Variants in NMRK1 observed in about 807,000 individuals in gnomAD.
NMRK1 encodes the protein nicotinamide riboside kinase 1, also known as NRK 1.
In NMRK1, 28 loss-of-function variants were observed where a neutral mutation model predicts 29.9. The ratio of observed to expected loss-of-function variants is 0.94; its 90% CI spans 0.69 to 1.28. The LOEUF (loss-of-function observed/expected upper bound fraction) is 1.28, where lower values mean the gene tolerates loss of function less well. NMRK1 is among the 50% of genes most tolerant of loss of function. NMRK1 has a pLI of 0.00. For missense variants in NMRK1, 218 were observed against 233.1 expected (o/e 0.94, Z 0.42); for synonymous variants, 58 against 73.0 (o/e 0.79, Z 1.05).
Position 75,062,861 on chromosome 9 carries a change from G to A in NMRK1, c.581-1294C>T, listed in dbSNP as rs1009364337. ...AGCCTGATCAACATAGCAAAACCCC[G>A]TCTTAACTAAAAATACAAAAATTAG... On this transcript the variant is annotated intron_variant, in intron 8 of 8. Coordinates refer to ENST00000361092, the MANE Select transcript of NMRK1 (RefSeq NM_017881.3). Among the ~76,000 whole-genome samples the A allele has an allele frequency of 3.9e-5, 6 of 152,156 alleles. 1 individual carries two copies. The highest frequency in any genetic ancestry group is 2.0e-4 in the Admixed American group (3 of 15,284).
chr9:75,066,710 C>T (rs74331633), intron 8 of NMRK1, 47 bp downstream of exon 8: 1 of 1,015,152 alleles, frequency 9.9e-7, no homozygotes, highest in African/African-American at 1.6e-5. Flanking sequence ...GAATGATTTT[C>T]CTGGCTGTTT....
intron 4 of NMRK1, among the ~76,000 whole-genome samples, chr9:75,072,656 C>T (rs936387282): frequency 4.6e-5 from 7 of 152,120 alleles, no homozygotes; most frequent in African/African-American, 1.7e-4. Context: ...TTCTGCATAT[C>T]TTTGAAATTT....
At chr9:75,067,376 C>T (rs1337558285) in intron 7 of NMRK1, among the ~76,000 whole-genome samples, 6 of 151,442 alleles carry the variant, frequency 4.0e-5, no homozygotes, top group African/African-American at 7.3e-5. Context: ...AGAGAAAAGA[C>T]GTATTTTTAA....
At chr9:75,076,417 G>C (rs1330458996) in intron 4 of NMRK1, among the ~76,000 whole-genome samples, 1 of 152,002 alleles carries the variant, frequency 6.6e-6, no homozygotes, top group South Asian at 2.1e-4. Context: ...GGTTACCAGA[G>C]ACCCGGAAGG....
chr9:75,080,141 G>A (rs1425852834), intron 2 of NMRK1, among the ~76,000 whole-genome samples: 1 of 152,218 alleles, frequency 6.6e-6, no homozygotes. Context: ...ACAGGTAGAT[G>A]TTAATATTCC....
chr9:75,086,114 C>T (rs1030902062), intron 1 of NMRK1, among the ~76,000 whole-genome samples: 3 of 152,054 alleles, frequency 2.0e-5, no homozygotes, highest in Non-Finnish European at 2.9e-5. Context: ...TGAGCCATGA[C>T]TGTGCCACTG....
chr9:75,086,842 G>C (rs1355771744), intron 1 of NMRK1, among the ~76,000 whole-genome samples: 2 of 151,648 alleles, frequency 1.3e-5, no homozygotes, highest in African/African-American at 2.4e-5. Context: ...CCAGGAGATA[G>C]GGCAGTCTTT....
At chr9:75,076,844 C>T (rs72732971) in intron 4 of NMRK1, among the ~76,000 whole-genome samples, 16,228 of 152,210 alleles carry the variant, frequency 0.11, 1,090 homozygotes, top group Non-Finnish European at 0.15. Context: ...CTGCCTGCCT[C>T]GGCCTTCCAA....
Position 75,077,557 on chromosome 9 carries a change from G to T in NMRK1, c.53C>A (p.Thr18Lys), listed in dbSNP as rs1182056130. The T allele has an allele frequency of 3.7e-6, 6 of 1,613,368 alleles. No homozygotes were observed. Among genetic ancestry groups the T allele is most frequent in the Non-Finnish European group, 5.1e-6 (6 of 1,179,468 alleles). The stretch of plus-strand genomic sequence containing the variant: ...GTGTTTCTGCAAATTCTTAGCCAGT[G>T]TTGTTTTGCCACTGTTTGTCACACT... ...ISGVTNSGKT[T>K]LAKNLQKHLP... Residue 18 changes from threonine to lysine, a missense_variant, in exon 3 of 9, where the codon ACA becomes AAA. Coordinates refer to ENST00000361092, the MANE Select transcript of NMRK1 (RefSeq NM_017881.3).
At position 75,066,881 on chromosome 9, in the gene NMRK1, T is replaced by A. The variant is rs1323788816; in HGVS notation, c.497-41A>T. 3 of 1,098,414 alleles carry A rather than the reference T, an allele frequency of 2.7e-6. No homozygotes were observed. In the South Asian group the frequency reaches 4.2e-5, roughly 15 times the overall value. 68.0% of individuals were successfully genotyped at this position (1,098,414 alleles called of 1,614,324 possible). A position where few individuals can be genotyped will look rare whatever the true frequency, so the allele number is the denominator to read the frequency against. ...GAGAGCAGTTCAAATGCTAACAGGC[T>A]TATTAATATACAATGTTTACTTTGA... is the stretch of plus-strand genomic sequence containing the variant. On this transcript the variant is annotated intron_variant, in intron 7 of 8. Transcript: ENST00000361092.
intron 8 of NMRK1, among the ~76,000 whole-genome samples, chr9:75,065,607 T>C (rs1055480811): frequency 1.3e-5 from 2 of 152,138 alleles, no homozygotes; most frequent in African/African-American, 2.4e-5. Context: ...ACGTGAGCCA[T>C]TGCAACTGGC....
rs775350039 is a variant in NMRK1, at chr9:75,077,149, A to C, written c.169+10T>G. 1.3e-6 allele frequency: 2 copies of C among 1,518,912 alleles called. No individual in the cohort carries two copies. Among genetic ancestry groups the C allele is most frequent in the Non-Finnish European group, 1.8e-6 (2 of 1,101,342 alleles). The allele number at this position is 1,518,912 out of a possible 1,614,324, so 94.1% of individuals were successfully genotyped here. The stretch of plus-strand genomic sequence containing the variant: ...TAAGCATATAATATTTGACAAGTAA[A>C]TCTACTTACCATCGTACTGCAAAAA... On this transcript the variant is annotated intron_variant, in intron 4 of 8. Coordinates refer to ENST00000361092, the MANE Select transcript of NMRK1 (RefSeq NM_017881.3).
intron 4 of NMRK1, among the ~76,000 whole-genome samples, chr9:75,075,294 T>G (rs1823924938): frequency 6.6e-6 from 1 of 152,162 alleles, no homozygotes; most frequent in African/African-American, 2.4e-5. Context: ...TTTTTCCTTG[T>G]TTTTCACCCT....
chr9:75,078,310 T>C (rs1176889668), intron 2 of NMRK1: 3 of 1,561,454 alleles, frequency 1.9e-6, no homozygotes, highest in African/African-American at 1.4e-5. Context: ...GAGTGGCTTA[T>C]TACAAGCCCA....
chr9:75,085,742 T>G (rs895413155), intron 1 of NMRK1, among the ~76,000 whole-genome samples: 13 of 150,316 alleles, frequency 8.6e-5, no homozygotes, highest in Non-Finnish European at 1.8e-4. Flanking sequence ...TTTTTTTTTT[T>G]TTTTTTTTTT....
intron 4 of NMRK1, among the ~76,000 whole-genome samples, chr9:75,075,867 T>TAA (rs1823959766): frequency 2.0e-5 from 3 of 152,280 alleles, no homozygotes; most frequent in Non-Finnish European, 4.4e-5. Flanking sequence ...ATGTAGCTAC[T>TAA]TATACATCTT....
chr9:75,072,169 C>T (rs1163679999), intron 4 of NMRK1, among the ~76,000 whole-genome samples: 2 of 152,178 alleles, frequency 1.3e-5, no homozygotes, highest in Non-Finnish European at 2.9e-5. Context: ...TGGATGGTTC[C>T]ATGTTGTATA....
At chr9:75,085,734 T>G (rs1039046131) in intron 1 of NMRK1, among the ~76,000 whole-genome samples, 1 of 131,686 alleles carries the variant, frequency 7.6e-6, no homozygotes, top group Non-Finnish European at 1.7e-5. Flanking sequence ...AAGTTTTTTT[T>G]TTTTTTTTTT....
intron 2 of NMRK1, among the ~76,000 whole-genome samples, chr9:75,080,770 G>T (rs1824273717): frequency 6.6e-6 from 1 of 152,194 alleles, no homozygotes; most frequent in Non-Finnish European, 1.5e-5. Flanking sequence ...TTTTTGCTCT[G>T]TTGGTTCACG....
Sources: allele counts gnomAD v4.1 joint callset (sites outside exome capture counted in the v4.1 genomes callset), GRCh38; gene constraint gnomAD v4.1.1; transcripts MANE v1.5; gene names NCBI Gene and HGNC (gene_info 2026-07-23, HGNC 2026-07-21).